The following TMEM108 variants were observed in gnomAD, a reference collection of about 807,000 sequenced individuals.
TMEM108 encodes transmembrane protein 108, also known as cancer/testis antigen 124.
Under a neutral mutation model 35.1 loss-of-function variants are expected in TMEM108, and 12 were observed. That is an observed-to-expected ratio of 0.34 (90% confidence interval 0.22 to 0.55). TMEM108 has a LOEUF of 0.55. Ranked by LOEUF, TMEM108 falls within the 20% of genes least tolerant of loss-of-function variation. TMEM108 has a pLI of 0.89. For synonymous variants in TMEM108, 287 were observed against 308.6 expected (o/e 0.93, Z 0.73); for missense variants, 680 against 753.3 (o/e 0.90, Z 1.14).
chr3:133,170,784 C>T (rs1481987015), intron 2 of TMEM108, among the ~76,000 whole-genome samples: 2 of 151,968 alleles, frequency 1.3e-5, no homozygotes, highest in Non-Finnish European at 2.9e-5. Flanking sequence ...ATACATATTT[C>T]TAGGAATAGA....
chr3:133,295,134 A>G (rs1020633365), intron 3 of TMEM108, among the ~76,000 whole-genome samples: 2 of 152,248 alleles, frequency 1.3e-5, no homozygotes, highest in African/African-American at 4.8e-5. Context: ...CATTTAGATC[A>G]TAAGCACTTT....
chr3:133,353,637 G>A (rs967609410), intron 3 of TMEM108, among the ~76,000 whole-genome samples: 5 of 152,148 alleles, frequency 3.3e-5, no homozygotes, highest in Admixed American at 2.0e-4. Context: ...TATATCACCT[G>A]TATGCTTGTA....
chr3:133,325,915 AG>A (rs2071327452), intron 3 of TMEM108, among the ~76,000 whole-genome samples: 1 of 152,042 alleles, frequency 6.6e-6, no homozygotes, highest in Non-Finnish European at 1.5e-5. Flanking sequence ...GTCATTTTAG[AG>A]GTACATGCTA....
chr3:133,251,910 T>C lies in TMEM108; in HGVS notation c.40+22559T>C, dbSNP rs566108358. On this transcript the variant is annotated intron_variant, in intron 3 of 5. Transcript: ENST00000321871. ...TGAAATAAGACAGACTGTCAAGCAT[T>C]GGATTTTTCTGACGGCCTATGATAT... is the stretch of plus-strand genomic sequence containing the variant. Among the ~76,000 whole-genome samples, 24 of 152,296 alleles carry C rather than the reference T, an allele frequency of 1.6e-4. 1 individual carries two copies. The highest frequency in any genetic ancestry group is 5.5e-4 in the African/African-American group (23 of 41,576).
chr3:133,286,362 C>T (rs768101246), intron 3 of TMEM108, among the ~76,000 whole-genome samples: 4 of 152,080 alleles, frequency 2.6e-5, no homozygotes, highest in Admixed American at 1.3e-4. Context: ...GAAACAAGGT[C>T]TCACTCTGCT....
At chr3:133,218,836 A>G (rs1200077923) in intron 2 of TMEM108, among the ~76,000 whole-genome samples, 2 of 151,822 alleles carry the variant, frequency 1.3e-5, no homozygotes, top group Non-Finnish European at 2.9e-5. Context: ...CTGACCTATA[A>G]TTTTCTTTTC....
At chr3:133,165,635 T>C (rs1241138243) in intron 2 of TMEM108, among the ~76,000 whole-genome samples, 3 of 152,198 alleles carry the variant, frequency 2.0e-5, no homozygotes, top group Non-Finnish European at 4.4e-5. Context: ...AGACTTTATT[T>C]TTTCTTAAGA....
intron 1 of TMEM108, chr3:133,041,705 T>G (rs1483825368): frequency 2.6e-5 from 3 of 113,898 alleles, no homozygotes; most frequent in Non-Finnish European, 3.7e-5. Context: ...GCACCCGGCA[T>G]ATGTATTGGT....
chr3:133,195,599 G>A (rs1945564698), intron 2 of TMEM108, among the ~76,000 whole-genome samples: 1 of 152,146 alleles, frequency 6.6e-6, no homozygotes, highest in Non-Finnish European at 1.5e-5. Flanking sequence ...ACTCCTAGAT[G>A]GGTAAGCTCC....
At chr3:133,236,901 G>A (rs914133325) in intron 3 of TMEM108, among the ~76,000 whole-genome samples, 6 of 151,946 alleles carry the variant, frequency 3.9e-5, no homozygotes, top group African/African-American at 1.5e-4. Flanking sequence ...AAGTTCTCAT[G>A]TATTCCATTA....
intron 2 of TMEM108, among the ~76,000 whole-genome samples, chr3:133,052,088 A>G (rs1943412532): frequency 6.6e-6 from 1 of 152,152 alleles, no homozygotes; most frequent in Non-Finnish European, 1.5e-5. Context: ...ATTGAGAAGA[A>G]CTGATATCTT....
intron 2 of TMEM108, among the ~76,000 whole-genome samples, chr3:133,069,384 A>C (rs1341998215): frequency 6.6e-6 from 1 of 152,188 alleles, no homozygotes; most frequent in Non-Finnish European, 1.5e-5. Flanking sequence ...AGACAAATGC[A>C]TGTCTAGCTA....
intron 2 of TMEM108, among the ~76,000 whole-genome samples, chr3:133,058,844 A>G (rs923192445): frequency 2.6e-5 from 4 of 152,338 alleles, no homozygotes; most frequent in African/African-American, 9.6e-5. Context: ...TGTTGCCTGC[A>G]CTGTGAGAGG....
At chr3:133,242,520 T>C (rs1946328010) in intron 3 of TMEM108, among the ~76,000 whole-genome samples, 1 of 152,110 alleles carries the variant, frequency 6.6e-6, no homozygotes, top group South Asian at 2.1e-4. Context: ...GTCTAAAAGC[T>C]CCCGGGAAGG....
chr3:133,396,343 T>G lies in TMEM108; in HGVS notation c.*357T>G, dbSNP rs1317527179. ...ATGTTACAGTGCAAGCGCACGATTCTTTGAGTGATTCTTAAAGCTCTGGTT... is the reference window on the plus strand; with the variant it reads ...ATGTTACAGTGCAAGCGCACGATTCGTTGAGTGATTCTTAAAGCTCTGGTT... On this transcript the variant is annotated 3_prime_UTR_variant, in exon 6 of 6. Transcript: ENST00000321871. 1.3e-5 allele frequency: 2 copies of G among 153,470 alleles called. No homozygotes were observed. The highest frequency in any genetic ancestry group is 2.4e-5 in the African/African-American group (1 of 41,454). 9.5% of individuals were successfully genotyped at this position (153,470 alleles called of 1,614,324 possible). A position where few individuals can be genotyped will look rare whatever the true frequency, so the allele number is the denominator to read the frequency against.
At chr3:133,349,167 A>G (rs2071913959) in intron 3 of TMEM108, among the ~76,000 whole-genome samples, 1 of 152,086 alleles carries the variant, frequency 6.6e-6, no homozygotes, top group South Asian at 2.1e-4. Flanking sequence ...TACAAATATA[A>G]TACTATTTTT....
intron 3 of TMEM108, among the ~76,000 whole-genome samples, chr3:133,349,988 G>T (rs1264716317): frequency 6.6e-6 from 1 of 152,124 alleles, no homozygotes; most frequent in Non-Finnish European, 1.5e-5. Context: ...TAGGGTTATT[G>T]CAGCATTATT....
At chr3:133,329,897 A>G (rs1289389678) in intron 3 of TMEM108, among the ~76,000 whole-genome samples, 1 of 152,128 alleles carries the variant, frequency 6.6e-6, no homozygotes, top group Admixed American at 6.6e-5. Context: ...TATTCCCTCT[A>G]CCTAGAGAGG....
intron 2 of TMEM108, among the ~76,000 whole-genome samples, chr3:133,099,721 A>G (rs550692808): frequency 1.3e-5 from 2 of 152,334 alleles, no homozygotes; most frequent in East Asian, 3.9e-4. Flanking sequence ...TTGCTAAAAC[A>G]TAATAAGAGT....
Sources: allele counts gnomAD v4.1 joint callset (sites outside exome capture counted in the v4.1 genomes callset), GRCh38; gene constraint gnomAD v4.1.1; transcripts MANE v1.5; gene names NCBI Gene and HGNC (gene_info 2026-07-23, HGNC 2026-07-21).